The following PPARGC1B variants were observed in gnomAD, a reference collection of about 807,000 sequenced individuals.
PPARGC1B encodes PPARG coactivator 1 beta, also known as peroxisome proliferator-activated receptor gamma coactivator 1-beta.
PPARGC1B carries 34 observed loss-of-function variants against 101.6 expected under a neutral mutation model. The observed-to-expected ratio is 0.33, with a 90% CI of 0.25 to 0.45. The LOEUF is 0.45. Among genes scored for constraint, PPARGC1B ranks in the 20% least tolerant of loss-of-function variants. The pLI, the probability that PPARGC1B is intolerant of heterozygous loss-of-function variation, is 1.00. For synonymous variants in PPARGC1B, 548 were observed against 539.3 expected, an observed-to-expected ratio of 1.02 and a Z score of -0.22; for missense variants, 1,234 against 1,317.6, an observed-to-expected ratio of 0.94 and a Z score of 0.98.
chr5:149,773,339 C>T (rs1225892734), intron 1 of PPARGC1B, among the ~76,000 whole-genome samples: 3 of 152,258 alleles, frequency 2.0e-5, no homozygotes, highest in South Asian at 2.1e-4. Flanking sequence ...GGCCTCCTGC[C>T]GGCCTGTCTG....
chr5:149,740,966 A>G (rs371285789), intron 1 of PPARGC1B, among the ~76,000 whole-genome samples: 26 of 152,342 alleles, frequency 1.7e-4, no homozygotes, highest in African/African-American at 6.3e-4. Context: ...AAGGAAGGAA[A>G]CAGACTAGAA....
intron 1 of PPARGC1B, among the ~76,000 whole-genome samples, chr5:149,778,061 T>TCA (rs1491385104): frequency 0.081 from 391 of 4,806 alleles, 41 homozygotes; most frequent in Middle Eastern, 0.17. Context: ...TGTAGCAGCA[T>TCA]CTCACACACA....
chr5:149,769,398 C>A (rs1457090315), intron 1 of PPARGC1B, among the ~76,000 whole-genome samples: 1 of 152,208 alleles, frequency 6.6e-6, no homozygotes, highest in Non-Finnish European at 1.5e-5. Flanking sequence ...TTCTCACTTA[C>A]AAATGACAAT....
downstream of PPARGC1B, among the ~76,000 whole-genome samples, chr5:149,857,126 G>A (rs145772989): frequency 8.1e-4 from 123 of 152,106 alleles, no homozygotes; most frequent in African/African-American, 2.7e-3. Context: ...AGGTGTCCTC[G>A]GGCAGGTTTT....
intron 1 of PPARGC1B, among the ~76,000 whole-genome samples, chr5:149,803,603 C>T (rs1464805363): frequency 6.6e-6 from 1 of 152,128 alleles, no homozygotes; most frequent in African/African-American, 2.4e-5. Context: ...TTCTCTTAGT[C>T]CTGGGTGGCA....
intron 2 of PPARGC1B, among the ~76,000 whole-genome samples, chr5:149,824,912 G>C (rs949127151): frequency 6.6e-6 from 1 of 152,182 alleles, no homozygotes; most frequent in African/African-American, 2.4e-5. Context: ...TTCCCCCTTC[G>C]AACTACTCAG....
At chr5:149,803,627 T>C (rs1180170189) in intron 1 of PPARGC1B, among the ~76,000 whole-genome samples, 1 of 152,146 alleles carries the variant, frequency 6.6e-6, no homozygotes, top group Non-Finnish European at 1.5e-5. Context: ...AAGCATCTGA[T>C]TTTCCCCCTT....
chr5:149,786,420 C>G (rs942834648), intron 1 of PPARGC1B, among the ~76,000 whole-genome samples: 4 of 151,498 alleles, frequency 2.6e-5, no homozygotes, highest in Non-Finnish European at 1.5e-5. Flanking sequence ...TTTATAGAGA[C>G]AGAGTTTTGT....
intron 1 of PPARGC1B, among the ~76,000 whole-genome samples, chr5:149,759,837 T>C (rs1755659144): frequency 6.6e-6 from 1 of 152,216 alleles, no homozygotes; most frequent in Admixed American, 6.5e-5. Flanking sequence ...ACACCCACCC[T>C]GGATATTGAG....
At position 149,748,000 on chromosome 5, in the gene PPARGC1B, T is replaced by G. The variant is rs1022910503; in HGVS notation, c.78+17580T>G. On this transcript the variant is annotated intron_variant, in intron 1 of 11. Transcript: ENST00000309241. ...GCCAAGCAGGAGAGGGAGGTGGAGGTTTAGAATCCACCCTAAGAGGAGAAG... is the reference window on the plus strand; with the variant it reads ...GCCAAGCAGGAGAGGGAGGTGGAGGGTTAGAATCCACCCTAAGAGGAGAAG... Among the ~76,000 whole-genome samples the G allele has an allele frequency of 2.6e-5, 4 of 151,286 alleles. No individual in the cohort carries two copies. The South Asian group carries it at 8.5e-4, about 32-fold the overall frequency.
intron 1 of PPARGC1B, among the ~76,000 whole-genome samples, chr5:149,790,968 A>G (rs1186448278): frequency 1.3e-5 from 2 of 151,994 alleles, no homozygotes; most frequent in Non-Finnish European, 2.9e-5. Flanking sequence ...GCAGGTGGTA[A>G]GAGAACCAAA....
At position 149,833,522 on chromosome 5, in the gene PPARGC1B, C is replaced by T. The variant is rs1392759345; in HGVS notation, c.1449C>T (p.Asn483=). The change falls in exon 5 of 12, where the codon AAC becomes AAT. Residue 483 remains asparagine, a synonymous_variant. Transcript: ENST00000309241. This position sits in a 1 kb window ranked among gnomAD's most constrained non-coding sequence, Gnocchi z 4.1. ...VCPVRRSRRL[N]PELGPWLTFA... ...CCGTGCGGCGTTCTCGGAGACTGAACCCTGAGCTGGGCCCCTGGCTGACAT... is the reference window on the plus strand; with the variant it reads ...CCGTGCGGCGTTCTCGGAGACTGAATCCTGAGCTGGGCCCCTGGCTGACAT... The T allele has an allele frequency of 3.8e-6, 6 of 1,569,206 alleles. No individual in the cohort carries two copies. Among genetic ancestry groups the T allele is most frequent in the Non-Finnish European group, 4.3e-6 (5 of 1,157,046 alleles).
chr5:149,848,482 T>C lies in PPARGC1B; in HGVS notation c.*924T>C, dbSNP rs185766144. On this transcript the variant is annotated 3_prime_UTR_variant, in exon 12 of 12. Coordinates refer to ENST00000309241, the MANE Select transcript of PPARGC1B (RefSeq NM_133263.4). ...GGTTCTTGGTCCCGTGCTTCCGTAG[T>C]AGCTGGGGTAAAGACACCGTTTCAG... is the stretch of plus-strand genomic sequence containing the variant. The C allele has an allele frequency of 6.6e-6, 1 of 152,332 alleles. No individual in the cohort carries two copies. The highest frequency in any genetic ancestry group is 2.4e-5 in the African/African-American group (1 of 41,566). The allele number at this position is 152,332 out of a possible 1,614,324, so 9.4% of individuals were successfully genotyped here.
At chr5:149,753,533 TAA>T (rs902277301) in intron 1 of PPARGC1B, among the ~76,000 whole-genome samples, 8 of 152,074 alleles carry the variant, frequency 5.3e-5, no homozygotes, top group Non-Finnish European at 8.8e-5. Flanking sequence ...TATTTTTAGT[TAA>T]AAAAATTTTT....
chr5:149,794,507 C>T lies in PPARGC1B; in HGVS notation c.79-25926C>T, dbSNP rs77296038. The stretch of plus-strand genomic sequence containing the variant: ...TTGATTGCACACACACATGCATACG[C>T]TCATGTATGTGAGCGTGCACACACA... On this transcript the variant is annotated intron_variant, in intron 1 of 11. Coordinates refer to ENST00000309241, the MANE Select transcript of PPARGC1B (RefSeq NM_133263.4). Among the ~76,000 whole-genome samples the T allele has an allele frequency of 5.2e-3, 715 of 137,514 alleles. 8 individuals carry two copies. Among genetic ancestry groups the T allele is most frequent in the African/African-American group, 0.019 (679 of 36,558 alleles). The allele number at this position is 137,514 out of a possible 152,430, so 90.2% of individuals were successfully genotyped here.
At position 149,765,164 on chromosome 5, in the gene PPARGC1B, G is replaced by A. The variant is rs114618644; in HGVS notation, c.78+34744G>A. On this transcript the variant is annotated intron_variant, in intron 1 of 11. Transcript: ENST00000309241. ...AAGTTAGGAGAGGCGTCCTCCTGCC[G>A]TGTGACTTGGGTCAGCTTGTTAAAG... Among the ~76,000 whole-genome samples, 734 of 152,376 alleles carry A rather than the reference G, an allele frequency of 4.8e-3. 5 individuals carry two copies. The highest frequency in any genetic ancestry group is 0.017 in the African/African-American group (688 of 41,578).
chr5:149,801,004 G>A (rs1480211180), intron 1 of PPARGC1B, among the ~76,000 whole-genome samples: 1 of 152,196 alleles, frequency 6.6e-6, no homozygotes, highest in Non-Finnish European at 1.5e-5. Flanking sequence ...TATGGGTCAT[G>A]GACATATGGC....
At chr5:149,748,989 A>C (rs2045895) in intron 1 of PPARGC1B, among the ~76,000 whole-genome samples, 104,953 of 151,818 alleles carry the variant, frequency 0.69, 36,266 homozygotes, top group South Asian at 0.76. Context: ...CACCCTGTGG[A>C]CTGCACCGCT....
chr5:149,747,554 A>AT (rs1755135025), intron 1 of PPARGC1B, among the ~76,000 whole-genome samples: 1 of 152,160 alleles, frequency 6.6e-6, no homozygotes, highest in African/African-American at 2.4e-5. Context: ...GCCCCAAAAT[A>AT]TCATGCCCCA....
Sources: gnomAD v4.1 joint callset for allele counts (sites outside exome capture counted in the v4.1 genomes callset) on GRCh38, gnomAD v4.1.1 for gene constraint, Gnocchi (gnomAD v3.1) non-coding constraint, MANE v1.5 for transcripts, NCBI Gene and HGNC (gene_info 2026-07-23, HGNC 2026-07-21) for gene names.